Variants in SCFD1 observed in about 807,000 individuals in gnomAD.
SCFD1 encodes the protein sec1 family domain containing 1, also known as sec1 family domain-containing protein 1.
In SCFD1, 37 loss-of-function variants were observed where a neutral mutation model predicts 103.2. That is an observed-to-expected ratio of 0.36 (90% CI 0.28 to 0.47). SCFD1 has a LOEUF of 0.47. Ranked by LOEUF, SCFD1 falls within the 20% of genes least tolerant of loss-of-function variation. The pLI, the probability that SCFD1 is intolerant of heterozygous loss-of-function variation, is 1.00. For synonymous variants in SCFD1, 264 were observed against 245.0 expected (o/e 1.08, Z -0.73); for missense variants, 639 against 761.2 (o/e 0.84, Z 1.89).
chr14:30,706,054 T>C (rs1306934944), intron 18 of SCFD1, among the ~76,000 whole-genome samples, 169 bp downstream of exon 18: 1 of 152,080 alleles, frequency 6.6e-6, no homozygotes, highest in Non-Finnish European at 1.5e-5. Flanking sequence ...ATTTTTTAAC[T>C]TATTTTTCAT....
chr14:30,647,898 G>A (rs190761717), intron 7 of SCFD1, among the ~76,000 whole-genome samples: 2,962 of 152,178 alleles, frequency 0.019, 53 homozygotes, highest in Middle Eastern at 0.034. Context: ...TGATCCGCCC[G>A]CCTCAGCCTC....
chr14:30,627,745 G>GAAAAAAAAA (rs11312585), intron 1 of SCFD1, among the ~76,000 whole-genome samples: 1 of 79,474 alleles, frequency 1.3e-5, no homozygotes, highest in Non-Finnish European at 2.6e-5. Flanking sequence ...CTCTGTCTCA[G>GAAAAAAAAA]AAAAAAAAAA....
intron 3 of SCFD1, among the ~76,000 whole-genome samples, chr14:30,631,403 C>A (rs1328051264): frequency 6.6e-6 from 1 of 152,010 alleles, no homozygotes; most frequent in Non-Finnish European, 1.5e-5. Flanking sequence ...TGTTGAATAT[C>A]TCACGTAATT....
intron 20 of SCFD1, among the ~76,000 whole-genome samples, chr14:30,718,681 AT>A (rs1892451266): frequency 1.3e-5 from 2 of 152,226 alleles, no homozygotes; most frequent in Admixed American, 6.5e-5. Flanking sequence ...TTATCAGTTC[AT>A]TTATTAAATG....
In SCFD1 at chr14:30,702,364, C is replaced by T; in HGVS notation, c.1479C>T (p.Ile493=). Residue 493 remains isoleucine (I), a synonymous_variant, in exon 17 of 25, where the codon ATC becomes ATT. Transcript: ENST00000458591. Reference sequence around the variant, plus strand: ...GCAACCTTAATCCTTTACAATATATCAAACAGTGGAAGTAAGTTTTATTTT... The same window carrying T: ...GCAACCTTAATCCTTTACAATATATTAAACAGTGGAAGTAAGTTTTATTTT... The part of the protein sequence containing the change: ...AGCNLNPLQY[I]KQWKAFTKMA... 6.4e-7 allele frequency: 1 copy of T among 1,573,702 alleles called. No individual in the cohort carries two copies. The highest frequency in any genetic ancestry group is 8.7e-7 in the Non-Finnish European group (1 of 1,154,860).
At chr14:30,629,492 C>T (rs183213630) in intron 2 of SCFD1, among the ~76,000 whole-genome samples, 55 of 152,056 alleles carry the variant, frequency 3.6e-4, no homozygotes, top group African/African-American at 1.3e-3. Context: ...CTTACCACAC[C>T]TCAAAGCTGT....
intron 9 of SCFD1, among the ~76,000 whole-genome samples, chr14:30,650,923 A>G (rs1006211460): frequency 2.7e-4 from 41 of 152,108 alleles, no homozygotes; most frequent in Non-Finnish European, 5.0e-4. Flanking sequence ...ATTTTCTTTC[A>G]ATTATCATTA....
intron 17 of SCFD1, among the ~76,000 whole-genome samples, 178 bp from the exon 18 acceptor site, chr14:30,705,639 AAATAAT>A (rs937400201): frequency 6.6e-6 from 1 of 152,140 alleles, no homozygotes; most frequent in Non-Finnish European, 1.5e-5. Flanking sequence ...TTGTCTCAAA[AAATAAT>A]AATAATAATT....
At chr14:30,675,230 C>T (rs1225776102) in intron 14 of SCFD1, 165 bp downstream of exon 14, 7 of 419,004 alleles carry the variant, frequency 1.7e-5, no homozygotes, top group African/African-American at 1.4e-4. Context: ...AATAAAGTAA[C>T]CTAGGAATCC....
At chr14:30,681,795 AGT>A (rs1159708987) in intron 14 of SCFD1, among the ~76,000 whole-genome samples, 1 of 152,150 alleles carries the variant, frequency 6.6e-6, no homozygotes, top group Admixed American at 6.5e-5. Flanking sequence ...GAATAAATTA[AGT>A]GATGTAATGA....
intron 14 of SCFD1, among the ~76,000 whole-genome samples, chr14:30,692,113 A>G (rs1005465935): frequency 6.6e-6 from 1 of 152,064 alleles, no homozygotes; most frequent in African/African-American, 2.4e-5. Context: ...TGCAGTCACA[A>G]AATACTAGAT....
intron 11 of SCFD1, 34 bp downstream of exon 11, chr14:30,670,429 T>A: frequency 2.1e-6 from 3 of 1,452,050 alleles, no homozygotes; most frequent in Non-Finnish European, 2.8e-6. Context: ...AAGATTCATT[T>A]TTTTAAAGAG....
chr14:30,653,838 G>A (rs996864408), intron 10 of SCFD1: 48 of 282,842 alleles, frequency 1.7e-4, no homozygotes, highest in African/African-American at 1.0e-3. Context: ...GGAAAAGAAG[G>A]AAAAGAAAAC....
intron 11 of SCFD1, 78 bp downstream of exon 11, chr14:30,670,473 G>T (rs1236403556): frequency 5.6e-6 from 6 of 1,064,292 alleles, no homozygotes; most frequent in Non-Finnish European, 7.9e-6. Flanking sequence ...ATGAATTTGA[G>T]AAAAAAAAGG....
At chr14:30,622,489 C>A in intron 1 of SCFD1, 90 bp downstream of exon 1, 1 of 1,503,364 alleles carries the variant, frequency 6.7e-7, no homozygotes, top group South Asian at 1.3e-5. Flanking sequence ...GACCGATCTC[C>A]AGGAGTTTAA....
rs1161125512 is a variant in SCFD1, at chr14:30,670,748, G to A, written c.995+353G>A. On this transcript the variant is annotated intron_variant, in intron 11 of 24. Transcript: ENST00000458591. ...TTTTGGGGGTGATTTTTTCCTTTTTGTTACATGTTGCCCTCATGTAAACCT... is the reference window on the plus strand; with the variant it reads ...TTTTGGGGGTGATTTTTTCCTTTTTATTACATGTTGCCCTCATGTAAACCT... Among the ~76,000 whole-genome samples, 5 of 151,718 alleles carry A rather than the reference G, an allele frequency of 3.3e-5. No individual in the cohort carries two copies. The East Asian group carries it at 9.7e-4, about 29-fold the overall frequency.
intron 9 of SCFD1, among the ~76,000 whole-genome samples, chr14:30,653,151 T>G (rs975529338): frequency 6.6e-6 from 1 of 152,164 alleles, no homozygotes; most frequent in Non-Finnish European, 1.5e-5. Flanking sequence ...GTTTAAAAAT[T>G]AGCCAGGTGT....
At chr14:30,657,955 A>G in intron 10 of SCFD1, 1 of 352,870 alleles carries the variant, frequency 2.8e-6, no homozygotes, top group Admixed American at 3.5e-5. Context: ...TAAACGGGAA[A>G]TACACACTTC....
intron 10 of SCFD1, among the ~76,000 whole-genome samples, chr14:30,658,940 T>C (rs1169363130): frequency 6.6e-6 from 1 of 152,204 alleles, no homozygotes; most frequent in African/African-American, 2.4e-5. Flanking sequence ...CTTTTACTCA[T>C]TTAATCCAAG....
Sources: gnomAD v4.1 joint callset for allele counts (sites outside exome capture counted in the v4.1 genomes callset) on GRCh38, gnomAD v4.1.1 for gene constraint, MANE v1.5 for transcripts, NCBI Gene and HGNC (gene_info 2026-07-23, HGNC 2026-07-21) for gene names.